Variants in KCNQ1OT1 observed in about 807,000 individuals in gnomAD.
KCNQ1OT1 encodes KCNQ1 opposite strand/antisense transcript 1.
rs1237323605 is a variant in KCNQ1OT1, at chr11:2,676,802, T to C, written n.23193A>G. ...GAAGAGAATGGAGTGATGGCCAGTG[T>C]ATTGTGCTGGGATCTACCACAGGGG... On this transcript the variant is annotated non_coding_transcript_exon_variant, in exon 1 of 1. Transcript: ENST00000597346. This position sits in a 1 kb window ranked among gnomAD's most constrained non-coding sequence, Gnocchi z 4.2. The C allele has an allele frequency of 2.5e-6, 1 of 398,482 alleles. No individual in the cohort carries two copies. Among genetic ancestry groups the C allele is most frequent in the Non-Finnish European group, 4.4e-6 (1 of 226,070 alleles). 24.7% of individuals were successfully genotyped at this position (398,482 alleles called of 1,614,324 possible). A position where few individuals can be genotyped will look rare whatever the true frequency, so the allele number is the denominator to read the frequency against.
In KCNQ1OT1 at chr11:2,643,348, T is replaced by G. The variant is rs575672908; in HGVS notation, n.56647A>C. ...TATATCTGGGTGCTTTGGTGTTGGG[T>G]GCATATATGTTTAGAATTGTTATAT... On this transcript the variant is annotated non_coding_transcript_exon_variant, in exon 1 of 1. Transcript: ENST00000597346. 4.0e-5 allele frequency: 16 copies of G among 398,416 alleles called. No homozygotes were observed. In the South Asian group the frequency reaches 1.5e-3, roughly 38 times the overall value. The allele number at this position is 398,416 out of a possible 1,614,324, so 24.7% of individuals were successfully genotyped here.
Position 2,661,573 on chromosome 11 carries a change from G to T in KCNQ1OT1, n.38422C>A. 1.8e-6 allele frequency: 1 copy of T among 554,936 alleles called. No homozygotes were observed. The highest frequency in any genetic ancestry group is 3.2e-6 in the Non-Finnish European group (1 of 312,514). 34.4% of individuals were successfully genotyped at this position (554,936 alleles called of 1,614,324 possible). On this transcript the variant is annotated non_coding_transcript_exon_variant, in exon 1 of 1. Coordinates refer to ENST00000597346, the Ensembl canonical transcript of KCNQ1OT1. The surrounding 1 kb of genome is among the most constrained non-coding windows in gnomAD (Gnocchi z 5.9). ...CAATGTATGAGTGTGACAATGTATG[G>T]TGGTGGGAGCTGTTGTCCCTTACCA... is the stretch of plus-strand genomic sequence containing the variant.
At chr11:2,666,509 G>A (rs1211781775) in exon 1 of KCNQ1OT1, 8 of 398,558 alleles carry the variant, frequency 2.0e-5, no homozygotes, top group Non-Finnish European at 3.1e-5. Flanking sequence ...CAGCAAGGCC[G>A]CTGTGGCCTG....
exon 1 of KCNQ1OT1, chr11:2,672,373 ATATGATTGAGCTCAGGCTGG>A (rs143094382): frequency 0.067 from 26,876 of 398,448 alleles, 1,000 homozygotes; most frequent in South Asian, 0.092. Context: ...TCACAGGCTG[ATATGATTGAGCTCAGGCTGG>A]TATGGGTTAG....
exon 1 of KCNQ1OT1, chr11:2,637,955 T>A (rs1232283389): frequency 6.6e-6 from 1 of 152,244 alleles, no homozygotes; most frequent in Non-Finnish European, 1.5e-5. Context: ...TCTCTTTTGA[T>A]CTTTATTGGT....
exon 1 of KCNQ1OT1, chr11:2,665,193 C>T (rs1268100637): frequency 5.0e-6 from 2 of 398,628 alleles, no homozygotes; most frequent in Non-Finnish European, 8.8e-6. Context: ...GCCTCGAACA[C>T]ACCTTTCAGG....
exon 1 of KCNQ1OT1, chr11:2,640,158 G>T (rs552466465): frequency 2.2e-5 from 8 of 369,298 alleles, no homozygotes; most frequent in South Asian, 1.5e-4. Flanking sequence ...TGCTTCCCAG[G>T]TGAGGCGATG....
exon 1 of KCNQ1OT1, chr11:2,641,868 G>C (rs898676662): frequency 2.5e-5 from 10 of 398,258 alleles, no homozygotes; most frequent in Middle Eastern, 6.2e-4. Context: ...TATTTTCCCA[G>C]CTCCATTAAG....
At position 2,642,719 on chromosome 11, in the gene KCNQ1OT1, T is replaced by C. The variant is rs1590000173; in HGVS notation, n.57276A>G. 2.5e-6 allele frequency: 1 copy of C among 397,912 alleles called. No homozygotes were observed. Among genetic ancestry groups the C allele is most frequent in the East Asian group, 3.6e-5 (1 of 27,928 alleles). 24.6% of individuals were successfully genotyped at this position (397,912 alleles called of 1,614,324 possible). A position where few individuals can be genotyped will look rare whatever the true frequency, so the allele number is the denominator to read the frequency against. Reference sequence around the variant, plus strand: ...TACTAATTTTATGTTTAGTATGGTTTGTTCTTGCTTTTCTGGTTCCTTCAG... The same window carrying C: ...TACTAATTTTATGTTTAGTATGGTTCGTTCTTGCTTTTCTGGTTCCTTCAG... On this transcript the variant is annotated non_coding_transcript_exon_variant, in exon 1 of 1. Coordinates refer to ENST00000597346, the Ensembl canonical transcript of KCNQ1OT1. The surrounding 1 kb of genome is among the most constrained non-coding windows in gnomAD (Gnocchi z 4.3).
Position 2,620,860 on chromosome 11 carries a change from T to G in KCNQ1OT1, n.79135A>C. ...CAGCCTTCCCAGCAACTTTTATTTTTTTGACTTTTTAATAATTGCCATTCT... is the reference window on the plus strand; with the variant it reads ...CAGCCTTCCCAGCAACTTTTATTTTGTTGACTTTTTAATAATTGCCATTCT... On this transcript the variant is annotated non_coding_transcript_exon_variant, in exon 1 of 1. Transcript: ENST00000597346. The surrounding 1 kb of genome is among the most constrained non-coding windows in gnomAD (Gnocchi z 4.5). The G allele has an allele frequency of 2.5e-6, 1 of 398,580 alleles. No homozygotes were observed. Among genetic ancestry groups the G allele is most frequent in the Non-Finnish European group, 4.4e-6 (1 of 226,058 alleles). The allele number at this position is 398,580 out of a possible 1,614,324, so 24.7% of individuals were successfully genotyped here.
At position 2,659,867 on chromosome 11, in the gene KCNQ1OT1, T is replaced by C; in HGVS notation, n.40128A>G. On this transcript the variant is annotated non_coding_transcript_exon_variant, in exon 1 of 1. Coordinates refer to ENST00000597346, the Ensembl canonical transcript of KCNQ1OT1. The surrounding 1 kb of genome is among the most constrained non-coding windows in gnomAD (Gnocchi z 4.3). ...ATGTATCTTTTCATGTGCTTATTTA[T>C]AATCCATTTTTAAAATTGGATTGTT... 5.0e-6 allele frequency: 2 copies of C among 398,488 alleles called. No individual in the cohort carries two copies. Among genetic ancestry groups the C allele is most frequent in the Non-Finnish European group, 8.9e-6 (2 of 225,988 alleles). The allele number at this position is 398,488 out of a possible 1,614,324, so 24.7% of individuals were successfully genotyped here.
chr11:2,612,733 T>G lies in KCNQ1OT1; in HGVS notation n.87262A>C, dbSNP rs1451253028. On this transcript the variant is annotated non_coding_transcript_exon_variant, in exon 1 of 1. Coordinates refer to ENST00000597346, the Ensembl canonical transcript of KCNQ1OT1. The surrounding 1 kb of genome is among the most constrained non-coding windows in gnomAD (Gnocchi z 5.5). ...ATCGCGCCCTAACATTTGGGGCCCT[T>G]CAGAGATAATTCCTATTTATTGCTC... is the stretch of plus-strand genomic sequence containing the variant. 2.5e-6 allele frequency: 1 copy of G among 398,472 alleles called. No individual in the cohort carries two copies. The highest frequency in any genetic ancestry group is 2.1e-5 in the African/African-American group (1 of 48,636). 24.7% of individuals were successfully genotyped at this position (398,472 alleles called of 1,614,324 possible).
Position 2,647,221 on chromosome 11 carries a change from A to G in KCNQ1OT1, n.52774T>C. The G allele has an allele frequency of 2.5e-6, 1 of 398,360 alleles. No homozygotes were observed. The allele number at this position is 398,360 out of a possible 1,614,324, so 24.7% of individuals were successfully genotyped here. On this transcript the variant is annotated non_coding_transcript_exon_variant, in exon 1 of 1. Transcript: ENST00000597346. This position sits in a 1 kb window ranked among gnomAD's most constrained non-coding sequence, Gnocchi z 4.0. Reference sequence around the variant, plus strand: ...TTTATCAGATGCTTTTTCTGCATCTATTGAGATGATCATGTATTTTTTTGT... The same window carrying G: ...TTTATCAGATGCTTTTTCTGCATCTGTTGAGATGATCATGTATTTTTTTGT...
chr11:2,697,493 T>C (rs906439022), exon 1 of KCNQ1OT1: 13 of 398,508 alleles, frequency 3.3e-5, no homozygotes, highest in Non-Finnish European at 4.9e-5. Flanking sequence ...AAGTTAAGTT[T>C]TGGTTTATAA....
At chr11:2,685,202 T>A (rs568348998) in exon 1 of KCNQ1OT1, 4 of 398,664 alleles carry the variant, frequency 1.0e-5, no homozygotes, top group African/African-American at 2.1e-5. Context: ...TGGGGATGGC[T>A]GGCACAGCTC....
At chr11:2,697,129 G>A in exon 1 of KCNQ1OT1, 2 of 398,526 alleles carry the variant, frequency 5.0e-6, no homozygotes, top group South Asian at 2.5e-4. Flanking sequence ...GTTTTCCAGA[G>A]GCAGCACACC....
At chr11:2,616,128 T>A in exon 1 of KCNQ1OT1, 1 of 398,116 alleles carries the variant, frequency 2.5e-6, no homozygotes, top group Non-Finnish European at 4.4e-6. Flanking sequence ...TATAATTTGT[T>A]GGTATACAGT....
exon 1 of KCNQ1OT1, chr11:2,665,104 G>A (rs925884304): frequency 3.3e-5 from 13 of 398,380 alleles, no homozygotes; most frequent in African/African-American, 8.2e-5. Flanking sequence ...AAAGAGTGGC[G>A]TCGCTGCACC....
exon 1 of KCNQ1OT1, chr11:2,667,186 A>G (rs1388462373): frequency 1.5e-5 from 6 of 398,578 alleles, no homozygotes; most frequent in South Asian, 1.3e-4. Context: ...CCATCAGCCC[A>G]GCTGTGGCGG....
Sources: allele counts gnomAD v4.1 joint callset, GRCh38; gene constraint gnomAD v4.1.1; non-coding constraint Gnocchi (gnomAD v3.1); transcripts MANE v1.5; gene names NCBI Gene and HGNC (gene_info 2026-07-23, HGNC 2026-07-21).